Variants in GULP1 observed in about 807,000 individuals in gnomAD.
GULP1 encodes the protein GULP PTB domain containing engulfment adaptor 1.
GULP1 carries 19 observed loss-of-function variants against 40.9 expected under a neutral mutation model. The ratio of observed to expected loss-of-function variants is 0.46; its 90% CI spans 0.32 to 0.68. GULP1 has a LOEUF of 0.68. Ranked by LOEUF, GULP1 falls within the 30% of genes least tolerant of loss-of-function variation. The pLI is 0.03. For synonymous variants in GULP1, 119 were observed against 117.6 expected, an observed-to-expected ratio of 1.01 and a Z score of -0.08; for missense variants, 312 against 362.2, an observed-to-expected ratio of 0.86 and a Z score of 1.12.
chr2:188,556,388 G>T (rs553146974), intron 7 of GULP1, among the ~76,000 whole-genome samples: 4 of 151,738 alleles, frequency 2.6e-5, no homozygotes, highest in African/African-American at 4.8e-5. Flanking sequence ...TTTCTCTTTC[G>T]TTCTTCTAAA....
intron 2 of GULP1, among the ~76,000 whole-genome samples, chr2:188,393,056 G>GT (rs143629729): frequency 0.022 from 3,401 of 151,896 alleles, 137 homozygotes; most frequent in African/African-American, 0.078. Context: ...TATATTCTGT[G>GT]TTTTTTGGAT....
chr2:188,415,889 A>G (rs2054514540), intron 2 of GULP1, among the ~76,000 whole-genome samples: 1 of 152,172 alleles, frequency 6.6e-6, no homozygotes, highest in Admixed American at 6.5e-5. Context: ...CATTGTTTGC[A>G]GAGTGATACA....
intron 2 of GULP1, among the ~76,000 whole-genome samples, chr2:188,438,052 C>CCCT (rs1169190672): frequency 6.6e-6 from 1 of 151,896 alleles, no homozygotes; most frequent in Non-Finnish European, 1.5e-5. Flanking sequence ...CAAACCCACA[C>CCCT]GTGCACCCTG....
intron 7 of GULP1, among the ~76,000 whole-genome samples, chr2:188,547,737 A>C (rs1458341795): frequency 6.6e-6 from 1 of 152,124 alleles, no homozygotes; most frequent in African/African-American, 2.4e-5. Flanking sequence ...AATCCAATAA[A>C]GTTGACGCTC....
chr2:188,459,019 T>A (rs544664266), intron 2 of GULP1, among the ~76,000 whole-genome samples: 102 of 152,320 alleles, frequency 6.7e-4, no homozygotes, highest in Non-Finnish European at 1.1e-3. Context: ...TGCAAATGAC[T>A]GTATCTCATT....
At chr2:188,513,791 A>C (rs2064862803) in intron 4 of GULP1, among the ~76,000 whole-genome samples, 1 of 152,102 alleles carries the variant, frequency 6.6e-6, no homozygotes, top group African/African-American at 2.4e-5. Flanking sequence ...CACCGTAATA[A>C]ATTTTGTCTA....
chr2:188,587,188 TA>T lies in GULP1; in HGVS notation c.749-661del, dbSNP rs1041398810. Among the ~76,000 whole-genome samples the T allele has an allele frequency of 3.3e-5, 5 of 152,098 alleles. No individual in the cohort carries two copies. The South Asian group carries it at 8.3e-4, about 25-fold the overall frequency. Reference sequence around the variant, plus strand: ...TTTAACTTTGATACTTCTTTAGTGATAAAAAAGTAGTGCATACTTTAGAACA... The same window carrying T: ...TTTAACTTTGATACTTCTTTAGTGATAAAAAGTAGTGCATACTTTAGAACA... On this transcript the variant is annotated intron_variant, in intron 10 of 11. Coordinates refer to ENST00000409830, the MANE Select transcript of GULP1 (RefSeq NM_016315.4).
At chr2:188,455,168 T>G (rs1015248136) in intron 2 of GULP1, among the ~76,000 whole-genome samples, 1 of 152,084 alleles carries the variant, frequency 6.6e-6, no homozygotes, top group Non-Finnish European at 1.5e-5. Flanking sequence ...TGTTCTTAGA[T>G]ATAAATATAT....
At chr2:188,361,444 G>T (rs1440429874) in intron 1 of GULP1, among the ~76,000 whole-genome samples, 1 of 151,932 alleles carries the variant, frequency 6.6e-6, no homozygotes, top group African/African-American at 2.4e-5. Context: ...AGAGAAACAA[G>T]GGCCAGCTTA....
At chr2:188,359,300 A>G (rs2045779622) in intron 1 of GULP1, among the ~76,000 whole-genome samples, 1 of 152,154 alleles carries the variant, frequency 6.6e-6, no homozygotes, top group African/African-American at 2.4e-5. Context: ...TGATGAGCAA[A>G]GAAGATGTAG....
intron 2 of GULP1, among the ~76,000 whole-genome samples, chr2:188,430,960 A>T (rs2056805425): frequency 6.6e-6 from 1 of 152,200 alleles, no homozygotes; most frequent in African/African-American, 2.4e-5. Flanking sequence ...CTAGCATTAA[A>T]GTATACCCTT....
At chr2:188,530,715 A>G (rs978017206) in intron 6 of GULP1, among the ~76,000 whole-genome samples, 2 of 152,216 alleles carry the variant, frequency 1.3e-5, no homozygotes, top group Non-Finnish European at 2.9e-5. Flanking sequence ...CAGAACTGTG[A>G]GAAAATAAAT....
intron 1 of GULP1, among the ~76,000 whole-genome samples, chr2:188,355,712 CA>C (rs1400193813): frequency 6.6e-6 from 1 of 151,680 alleles, no homozygotes; most frequent in African/African-American, 2.4e-5. Flanking sequence ...AACAAAGATC[CA>C]ACAAAAAAGA....
chr2:188,503,990 T>C (rs2063680428), intron 4 of GULP1, among the ~76,000 whole-genome samples: 2 of 151,902 alleles, frequency 1.3e-5, no homozygotes, highest in African/African-American at 4.8e-5. Flanking sequence ...TTGACAATCC[T>C]TTTTAAAATG....
intron 2 of GULP1, among the ~76,000 whole-genome samples, chr2:188,424,104 T>G (rs958284789): frequency 2.0e-5 from 3 of 151,866 alleles, no homozygotes; most frequent in Non-Finnish European, 4.4e-5. Flanking sequence ...TTCAGTGAAA[T>G]TAGAATGTCA....
At chr2:188,462,449 G>A (rs2059786268) in intron 2 of GULP1, among the ~76,000 whole-genome samples, 1 of 152,132 alleles carries the variant, frequency 6.6e-6, no homozygotes, top group Non-Finnish European at 1.5e-5. Flanking sequence ...ATTTGGCCGA[G>A]AGTGCAGATT....
At chr2:188,433,933 CT>C (rs35704445) in intron 2 of GULP1, among the ~76,000 whole-genome samples, 7 of 149,128 alleles carry the variant, frequency 4.7e-5, no homozygotes, top group Admixed American at 6.7e-5. Flanking sequence ...TACCTTATAC[CT>C]TTTTTTTTTC....
At chr2:188,388,235 A>G (rs555083583) in intron 2 of GULP1, among the ~76,000 whole-genome samples, 6 of 152,124 alleles carry the variant, frequency 3.9e-5, no homozygotes, top group African/African-American at 1.4e-4. Context: ...TCCCTTTAAG[A>G]AGTTTAATCT....
chr2:188,519,529 A>G lies in GULP1; in HGVS notation c.91-3227A>G, dbSNP rs1229091635. Reference sequence around the variant, plus strand: ...TCTCTGCTCCTGCTAATCCTAGACCATCCACTAATCGCAGTGATATGATAA... The same window carrying G: ...TCTCTGCTCCTGCTAATCCTAGACCGTCCACTAATCGCAGTGATATGATAA... On this transcript the variant is annotated intron_variant, in intron 4 of 11. Coordinates refer to ENST00000409830, the MANE Select transcript of GULP1 (RefSeq NM_016315.4). Among the ~76,000 whole-genome samples the G allele has an allele frequency of 2.6e-5, 4 of 152,300 alleles. No homozygotes were observed. The East Asian group carries it at 7.7e-4, about 29-fold the overall frequency.
Sources: gnomAD v4.1 joint callset for allele counts (sites outside exome capture counted in the v4.1 genomes callset) on GRCh38, gnomAD v4.1.1 for gene constraint, MANE v1.5 for transcripts, NCBI Gene and HGNC (gene_info 2026-07-23, HGNC 2026-07-21) for gene names.